Variants in STK32A observed in about 807,000 individuals in gnomAD.
STK32A encodes serine/threonine kinase 32A, also known as serine/threonine-protein kinase 32A.
STK32A carries 41 observed loss-of-function variants against 53.2 expected under a neutral mutation model. That is an observed-to-expected ratio of 0.77 (90% CI 0.60 to 1.00). The LOEUF is 1.00. Ranked by LOEUF, STK32A falls within the 50% of genes least tolerant of loss-of-function variation. The pLI, the probability that STK32A is intolerant of heterozygous loss-of-function variation, is 0.00. For missense variants in STK32A, 458 were observed against 485.8 expected, an observed-to-expected ratio of 0.94 and a Z score of 0.54; for synonymous variants, 166 against 162.8, an observed-to-expected ratio of 1.02 and a Z score of -0.15.
chr5:147,376,288 C>T (rs527936177), intron 11 of STK32A, among the ~76,000 whole-genome samples: 1 of 152,268 alleles, frequency 6.6e-6, no homozygotes, highest in South Asian at 2.1e-4. Flanking sequence ...CTAGGACCCT[C>T]CAAGGAATGC....
chr5:147,309,028 A>G (rs1753562243), intron 4 of STK32A, among the ~76,000 whole-genome samples: 1 of 151,980 alleles, frequency 6.6e-6, no homozygotes, highest in South Asian at 2.1e-4. Context: ...TAGGATGTAC[A>G]TAGACAAGTT....
In STK32A at chr5:147,277,742, T is replaced by A. The variant is rs1479187704; in HGVS notation, c.53-382T>A. Among the ~76,000 whole-genome samples the A allele has an allele frequency of 2.6e-5, 4 of 152,340 alleles. No individual in the cohort carries two copies. In the East Asian group the frequency reaches 7.7e-4, roughly 29 times the overall value. The stretch of plus-strand genomic sequence containing the variant: ...GTTTCTCCTTACCTTGCTGCCTATG[T>A]CAAATTCTCTGTGATATGTTCTTAG... On this transcript the variant is annotated intron_variant, in intron 2 of 12. Coordinates refer to ENST00000397936, the MANE Select transcript of STK32A (RefSeq NM_001112724.2).
At chr5:147,364,926 G>A (rs1443153124) in intron 8 of STK32A, among the ~76,000 whole-genome samples, 2 of 152,186 alleles carry the variant, frequency 1.3e-5, no homozygotes, top group Non-Finnish European at 2.9e-5. Flanking sequence ...GATGCAATCA[G>A]TGATTCCTCT....
At chr5:147,363,705 T>C (rs1157642186) in intron 8 of STK32A, among the ~76,000 whole-genome samples, 1 of 152,240 alleles carries the variant, frequency 6.6e-6, no homozygotes, top group Non-Finnish European at 1.5e-5. Flanking sequence ...CCCATCTTTA[T>C]TTCTAGCTTC....
chr5:147,273,675 G>A (rs997643793), intron 2 of STK32A, among the ~76,000 whole-genome samples: 11 of 152,024 alleles, frequency 7.2e-5, no homozygotes, highest in Non-Finnish European at 1.2e-4. Context: ...GAGCCTTATT[G>A]GGTACCCACA....
At chr5:147,399,022 T>A in the STK32A span, 1 of 1,582,244 alleles carries the variant, frequency 6.3e-7, no homozygotes, top group Non-Finnish European at 8.6e-7. Context: ...ACATTTCTCC[T>A]GACCAAGTTC....
At chr5:147,354,533 T>G (rs1423931619) in intron 7 of STK32A, among the ~76,000 whole-genome samples, 1 of 152,236 alleles carries the variant, frequency 6.6e-6, no homozygotes, top group African/African-American at 2.4e-5. Context: ...CACCTTCCAC[T>G]TTTACCCTTG....
chr5:147,319,881 G>GC (rs1271812503), intron 4 of STK32A, among the ~76,000 whole-genome samples: 3 of 152,118 alleles, frequency 2.0e-5, no homozygotes, highest in Admixed American at 1.3e-4. Context: ...TGCTGGGGTA[G>GC]CATCAGAATG....
intron 2 of STK32A, among the ~76,000 whole-genome samples, chr5:147,276,693 C>T (rs1407852521): frequency 2.0e-5 from 3 of 152,154 alleles, no homozygotes; most frequent in African/African-American, 7.2e-5. Flanking sequence ...CCTCATTAAG[C>T]TTATGCTATA....
Position 147,384,170 on chromosome 5 carries a change from C to G in STK32A, c.*187C>G. 1 of 1,439,546 alleles carries G rather than the reference C, an allele frequency of 6.9e-7. No individual in the cohort carries two copies. The highest frequency in any genetic ancestry group is 9.0e-7 in the Non-Finnish European group (1 of 1,109,704). The allele number at this position is 1,439,546 out of a possible 1,614,324, so 89.2% of individuals were successfully genotyped here. On this transcript the variant is annotated 3_prime_UTR_variant, in exon 13 of 13. Coordinates refer to ENST00000397936, the MANE Select transcript of STK32A (RefSeq NM_001112724.2). ...GGCCTGAGCTCCTGGGATGTCATTT[C>G]ACATCAATCAACTGTGTGATCTAGA... is the stretch of plus-strand genomic sequence containing the variant.
chr5:147,280,728 C>T (rs1331404461), intron 4 of STK32A, among the ~76,000 whole-genome samples: 1 of 152,058 alleles, frequency 6.6e-6, no homozygotes, highest in African/African-American at 2.4e-5. Flanking sequence ...AAACAAAGGG[C>T]ATATAATCTT....
chr5:147,374,030 C>T (rs1757121052), intron 10 of STK32A, among the ~76,000 whole-genome samples: 1 of 152,036 alleles, frequency 6.6e-6, no homozygotes, highest in Middle Eastern at 3.2e-3. Flanking sequence ...CATGGCAGCT[C>T]AGGCCTGCAA....
In STK32A at chr5:147,292,658, C is replaced by T. The variant is rs1279723077; in HGVS notation, c.260+13260C>T. ...CCAAGGCAGGTGGATCACCTGAGGTCGGGAGTTCGAGACCAGCCTGACCAA... is the reference window on the plus strand; with the variant it reads ...CCAAGGCAGGTGGATCACCTGAGGTTGGGAGTTCGAGACCAGCCTGACCAA... On this transcript the variant is annotated intron_variant, in intron 4 of 12. Coordinates refer to ENST00000397936, the MANE Select transcript of STK32A (RefSeq NM_001112724.2). Among the ~76,000 whole-genome samples the T allele has an allele frequency of 3.9e-5, 6 of 152,224 alleles. No individual in the cohort carries two copies. In the East Asian group the frequency reaches 5.8e-4, roughly 15 times the overall value.
chr5:147,301,150 A>T (rs562757879), intron 4 of STK32A, among the ~76,000 whole-genome samples: 5 of 152,320 alleles, frequency 3.3e-5, no homozygotes, highest in African/African-American at 9.6e-5. Flanking sequence ...GGAGAGAAAG[A>T]AAGTCCTGGG....
rs557314442 is a variant in STK32A, at chr5:147,383,432, A to G, written c.1033-9A>G. ...ATACCTCTATTTTTTTTCTACGTTC[A>G]CCTGGAAGACATGTCTTCTTCAAGA... On this transcript the variant is annotated splice_polypyrimidine_tract_variant and intron_variant, in intron 11 of 12. Coordinates refer to ENST00000397936, the MANE Select transcript of STK32A (RefSeq NM_001112724.2). 17 of 1,589,964 alleles carry G rather than the reference A, an allele frequency of 1.1e-5. No individual in the cohort carries two copies. The highest frequency in any genetic ancestry group is 1.4e-5 in the Non-Finnish European group (16 of 1,167,394).
intron 2 of STK32A, among the ~76,000 whole-genome samples, chr5:147,276,482 G>C (rs1207347492): frequency 6.6e-6 from 1 of 152,134 alleles, no homozygotes; most frequent in Admixed American, 6.5e-5. Context: ...CTGCCTTAGA[G>C]AATCCAAATG....
intron 2 of STK32A, among the ~76,000 whole-genome samples, chr5:147,255,228 C>A (rs147366552): frequency 2.8e-3 from 423 of 152,302 alleles, no homozygotes; most frequent in African/African-American, 9.8e-3. Context: ...CTAACAATCC[C>A]TCCCCTTGTA....
intron 7 of STK32A, among the ~76,000 whole-genome samples, chr5:147,355,679 A>G (rs1756194159): frequency 6.6e-6 from 1 of 151,994 alleles, no homozygotes; most frequent in Non-Finnish European, 1.5e-5. Context: ...TTCCGTCTCA[A>G]AAAAAATAAA....
At chr5:147,248,673 G>T (rs977949823) in intron 2 of STK32A, among the ~76,000 whole-genome samples, 1 of 151,986 alleles carries the variant, frequency 6.6e-6, no homozygotes, top group Non-Finnish European at 1.5e-5. Flanking sequence ...TCCATGAATC[G>T]GGATCCAGCA....
Sources: gnomAD v4.1 joint callset for allele counts (sites outside exome capture counted in the v4.1 genomes callset) on GRCh38, gnomAD v4.1.1 for gene constraint, MANE v1.5 for transcripts, NCBI Gene and HGNC (gene_info 2026-07-23, HGNC 2026-07-21) for gene names.